The following SLC17A1 variants were observed in gnomAD, a reference collection of about 807,000 sequenced individuals.
SLC17A1 encodes sodium-dependent phosphate transport protein 1.
A neutral mutation model predicts 53.5 loss-of-function variants in SLC17A1; 51 were observed. The ratio of observed to expected loss-of-function variants is 0.95; its 90% CI spans 0.76 to 1.20. The LOEUF (loss-of-function observed/expected upper bound fraction) is 1.20. SLC17A1 is among the 50% of genes most tolerant of loss of function. SLC17A1 has a pLI of 0.00. For missense variants in SLC17A1, 538 were observed against 568.2 expected (o/e 0.95, Z 0.54); for synonymous variants, 179 against 198.8 (o/e 0.90, Z 0.84).
At chr6:25,786,970 C>A (rs1241469583) in intron 12 of SLC17A1, among the ~76,000 whole-genome samples, 1 of 152,044 alleles carries the variant, frequency 6.6e-6, no homozygotes, top group Non-Finnish European at 1.5e-5. Flanking sequence ...TTTCAGTTAT[C>A]TAACTGGGAA....
At chr6:25,788,942 G>T (rs1763442657) in intron 12 of SLC17A1, among the ~76,000 whole-genome samples, 1 of 152,124 alleles carries the variant, frequency 6.6e-6, no homozygotes, top group African/African-American at 2.4e-5. Flanking sequence ...TGGAAGTACT[G>T]GTGTAAATTC....
chr6:25,771,998 T>C, the SLC17A1 span, among the ~76,000 whole-genome samples: 1 of 152,162 alleles, frequency 6.6e-6, no homozygotes, highest in African/African-American at 2.4e-5. Flanking sequence ...ATCGCACCCC[T>C]AAATTGTTTA....
intron 3 of SLC17A1, among the ~76,000 whole-genome samples, chr6:25,820,853 G>A (rs953375734): frequency 2.8e-4 from 40 of 144,832 alleles, no homozygotes; most frequent in African/African-American, 8.8e-4. Context: ...GACCAAGATC[G>A]CGCCACTGCA....
At chr6:25,798,678 C>T in intron 12 of SLC17A1, 105 bp downstream of exon 12, 1 of 1,094,830 alleles carries the variant, frequency 9.1e-7, no homozygotes, top group East Asian at 2.6e-5. Flanking sequence ...TCCTCTTCTC[C>T]AAACCTGCAC....
At chr6:25,813,438 C>T (rs964670239) in intron 6 of SLC17A1, among the ~76,000 whole-genome samples, 3 of 152,172 alleles carry the variant, frequency 2.0e-5, no homozygotes, top group Non-Finnish European at 4.4e-5. Flanking sequence ...CTATCCTCTG[C>T]TCCCTCCACT....
At chr6:25,759,842 T>C in the SLC17A1 span, among the ~76,000 whole-genome samples, 58 of 152,364 alleles carry the variant, frequency 3.8e-4, no homozygotes, top group African/African-American at 1.4e-3. Context: ...TATGCTTTTA[T>C]ATATGTATCC....
intron 12 of SLC17A1, among the ~76,000 whole-genome samples, chr6:25,793,761 C>G (rs1763550971): frequency 6.6e-6 from 1 of 152,152 alleles, no homozygotes. Flanking sequence ...TCCTTAACAT[C>G]TGACTAAAAT....
chr6:25,737,643 G>A, the SLC17A1 span, among the ~76,000 whole-genome samples: 79 of 152,092 alleles, frequency 5.2e-4, no homozygotes, highest in Admixed American at 1.2e-3. Context: ...AGTAATATAT[G>A]ACCATCATAT....
intron 3 of SLC17A1, among the ~76,000 whole-genome samples, chr6:25,824,331 C>A (rs1348239636): frequency 6.6e-6 from 1 of 151,714 alleles, no homozygotes; most frequent in East Asian, 1.9e-4. Context: ...CATGTGTATG[C>A]TGGTCATCAT....
intron 12 of SLC17A1, among the ~76,000 whole-genome samples, chr6:25,785,732 C>G (rs1228769414): frequency 2.0e-5 from 3 of 151,728 alleles, no homozygotes; most frequent in East Asian, 1.9e-4. Flanking sequence ...AGAAGATGTT[C>G]AACATAATTA....
At position 25,830,513 on chromosome 6, in the gene SLC17A1, TA is replaced by T; in HGVS notation, c.34+10del. ...AGAACACCTGTTTAATGGAACAGAATAAAGTGCTACCTTTTTTGGGAGGCAA... is the reference window on the plus strand; with the variant it reads ...AGAACACCTGTTTAATGGAACAGAATAAGTGCTACCTTTTTTGGGAGGCAA... On this transcript the variant is annotated intron_variant, in intron 2 of 12. Transcript: ENST00000244527. 1.9e-6 allele frequency: 3 copies of T among 1,600,380 alleles called. No homozygotes were observed. Among genetic ancestry groups the T allele is most frequent in the Non-Finnish European group, 2.6e-6 (3 of 1,167,476 alleles).
At chr6:25,753,061 A>G in the SLC17A1 span, among the ~76,000 whole-genome samples, 1 of 152,228 alleles carries the variant, frequency 6.6e-6, no homozygotes, top group Non-Finnish European at 1.5e-5. Context: ...ATTTATTAAA[A>G]CTAAGACACA....
chr6:25,829,409 G>A (rs544542143), intron 2 of SLC17A1, among the ~76,000 whole-genome samples: 2 of 152,276 alleles, frequency 1.3e-5, no homozygotes, highest in South Asian at 2.1e-4. Flanking sequence ...TTAATCATCA[G>A]CCAGCCCTTC....
At chr6:25,768,614 C>G in the SLC17A1 span, among the ~76,000 whole-genome samples, 234 of 152,272 alleles carry the variant, frequency 1.5e-3, no homozygotes, top group African/African-American at 5.3e-3. Flanking sequence ...GAGTCATCTC[C>G]AGCAGTTTCC....
chr6:25,759,397 A>G, the SLC17A1 span, among the ~76,000 whole-genome samples: 1,497 of 152,230 alleles, frequency 9.8e-3, 30 homozygotes, highest in African/African-American at 0.031. Flanking sequence ...TCTGTGGAGT[A>G]CTGAAGTCCC....
the SLC17A1 span, among the ~76,000 whole-genome samples, chr6:25,751,495 C>A: frequency 6.6e-6 from 1 of 152,156 alleles, no homozygotes; most frequent in African/African-American, 2.4e-5. Context: ...GACACCTAGG[C>A]AAAACCTGTA....
chr6:25,787,299 A>C (rs536291308), intron 12 of SLC17A1, among the ~76,000 whole-genome samples: 1 of 151,926 alleles, frequency 6.6e-6, no homozygotes, highest in South Asian at 2.1e-4. Context: ...CCAGCCTGGG[A>C]AACATAGCTA....
chr6:25,736,042 C>T, the SLC17A1 span, among the ~76,000 whole-genome samples: 1 of 149,374 alleles, frequency 6.7e-6, no homozygotes, highest in Non-Finnish European at 1.5e-5. Context: ...GAATCTCTTG[C>T]TCTTGGAGCA....
intron 1 of SLC17A1, among the ~76,000 whole-genome samples, chr6:25,831,314 A>G (rs1242973241): frequency 6.6e-6 from 1 of 152,200 alleles, no homozygotes; most frequent in African/African-American, 2.4e-5. Flanking sequence ...ATTTTACCAT[A>G]TCAGATTATA....
Sources: allele counts gnomAD v4.1 joint callset (sites outside exome capture counted in the v4.1 genomes callset), GRCh38; gene constraint gnomAD v4.1.1; transcripts MANE v1.5; gene names NCBI Gene and HGNC (gene_info 2026-07-23, HGNC 2026-07-21).